Variants in USB1 observed in about 807,000 individuals in gnomAD.
USB1 encodes the protein U6 snRNA biogenesis phosphodiesterase 1, also known as U6 snRNA phosphodiesterase 1.
Under a neutral mutation model 29.9 loss-of-function variants are expected in USB1, and 21 were observed. The observed-to-expected ratio is 0.70, with a 90% confidence interval of 0.50 to 1.01. The LOEUF is 1.01. USB1 is among the 50% of genes least tolerant of loss of function. The probability of loss-of-function intolerance (pLI) is 0.00; values close to 1 mark genes in which losing one functional copy is unlikely to be tolerated. For synonymous variants in USB1, 143 were observed against 134.9 expected (o/e 1.06, Z -0.42); for missense variants, 330 against 347.1 (o/e 0.95, Z 0.39).
intron 4 of USB1, chr16:58,016,870 G>A (rs1277647903): frequency 4.9e-6 from 1 of 202,120 alleles, no homozygotes; most frequent in East Asian, 1.1e-4. Context: ...GAATGGGATG[G>A]GGACGTGCTG....
At chr16:58,012,529 G>A (rs1474287365) in intron 3 of USB1, 15 of 1,304,072 alleles carry the variant, frequency 1.2e-5, no homozygotes, top group South Asian at 4.7e-5. Flanking sequence ...TCACAATGAC[G>A]AAGCCACCGC....
At position 58,020,773 on chromosome 16, in the gene USB1, TTCTC is replaced by T. The variant is rs1963724970; in HGVS notation, c.*535_*538del. 9 of 181,778 alleles carry T rather than the reference TTCTC, an allele frequency of 5.0e-5. No homozygotes were observed. The South Asian group carries it at 9.0e-4, about 18-fold the overall frequency. The allele number at this position is 181,778 out of a possible 1,614,324, so 11.3% of individuals were successfully genotyped here. A position where few individuals can be genotyped will look rare whatever the true frequency, so the allele number is the denominator to read the frequency against. On this transcript the variant is annotated 3_prime_UTR_variant, in exon 7 of 7. Transcript: ENST00000219281. ...CCTCTCCTCTCTCTCTCTTGCTTTC[TTCTC>T]TCTCTCCTGTCTCGGCTGTTGTGGG... is the stretch of plus-strand genomic sequence containing the variant.
In USB1 at chr16:58,013,300, A is replaced by T; in HGVS notation, c.450-973A>T. 2 of 985,408 alleles carry T rather than the reference A, an allele frequency of 2.0e-6. No homozygotes were observed. The highest frequency in any genetic ancestry group is 2.4e-6 in the Non-Finnish European group (2 of 829,944). The allele number at this position is 985,408 out of a possible 1,614,324, so 61.0% of individuals were successfully genotyped here. On this transcript the variant is annotated intron_variant, in intron 3 of 6. Coordinates refer to ENST00000219281, the MANE Select transcript of USB1 (RefSeq NM_024598.4). This position sits in a 1 kb window ranked among gnomAD's most constrained non-coding sequence, Gnocchi z 4.3. ...GAGACACCTTGAGAACTCTTCCTAA[A>T]AGCTGCACTTAACCAAGCTCCTGGT...
rs766926835 is a variant in USB1 at position 58,002,509 on chromosome 16, T to C, written c.129T>C (p.Phe43=). ...RGQSPLPRQR[F]PVPDSVLNMF... ...AGAGCCCCCTTCCCAGGCAGAGATT[T>C]CCAGTACCTGACAGTGTGCTGAACA... is the stretch of plus-strand genomic sequence containing the variant. Residue 43 remains phenylalanine, a synonymous_variant, in exon 2 of 7, where the codon TTT becomes TTC. Transcript: ENST00000219281. The C allele has an allele frequency of 6.2e-7, 1 of 1,614,096 alleles. No individual in the cohort carries two copies.
In USB1 at chr16:58,018,938, C is replaced by T. The variant is rs372358610; in HGVS notation, c.610-34C>T. 140 of 1,610,810 alleles carry T rather than the reference C, an allele frequency of 8.7e-5. No homozygotes were observed. In the African/African-American group the frequency reaches 1.4e-3, roughly 16 times the overall value. ...TGAGGGCAGGGCCTGCCAAGGCGTC[C>T]GGGTGACTGCCTGCCTCTCGTTTCC... On this transcript the variant is annotated intron_variant, in intron 5 of 6. Transcript: ENST00000219281.
At chr16:58,000,109 C>G (rs1043499483), upstream of USB1, among the ~76,000 whole-genome samples, 14 of 152,312 alleles carry the variant, frequency 9.2e-5, no homozygotes, top group Middle Eastern at 3.4e-3. This position sits in a 1 kb window ranked among gnomAD's most constrained non-coding sequence, Gnocchi z 4.5. Flanking sequence ...CCCGCCGGCC[C>G]TGCCTGCAGG....
At chr16:58,014,911 C>A (rs1469624459) in intron 4 of USB1, among the ~76,000 whole-genome samples, 1 of 151,944 alleles carries the variant, frequency 6.6e-6, no homozygotes, top group Non-Finnish European at 1.5e-5. Context: ...ACCCCATCTC[C>A]ACTAAAAATA....
chr16:58,001,374 C>T (rs945611800), upstream of USB1: 2 of 1,288,664 alleles, frequency 1.6e-6, no homozygotes, highest in African/African-American at 1.5e-5. Context: ...CGCCCCGAGG[C>T]GGTGCCAGCC....
At chr16:58,020,084 C>G in intron 6 of USB1, 57 bp from the exon 7 acceptor site, 1 of 1,570,464 alleles carries the variant, frequency 6.4e-7, no homozygotes. Context: ...TTTGCAGTGC[C>G]CTGTGGGTCC....
chr16:58,016,232 A>T lies in USB1; in HGVS notation c.504-1102A>T, dbSNP rs1963611735. ...AGCAACCAAATTACCAATGGGTTGG[A>T]TTTATGTGAAGCAAGGGGAAGACGA... On this transcript the variant is annotated intron_variant, in intron 4 of 6. Coordinates refer to ENST00000219281, the MANE Select transcript of USB1 (RefSeq NM_024598.4). 3 of 152,226 alleles carry T rather than the reference A, an allele frequency of 2.0e-5. No individual in the cohort carries two copies. The South Asian group carries it at 6.2e-4, about 32-fold the overall frequency. 9.4% of individuals were successfully genotyped at this position (152,226 alleles called of 1,614,324 possible). A position where few individuals can be genotyped will look rare whatever the true frequency, so the allele number is the denominator to read the frequency against.
intron 3 of USB1, chr16:58,011,589 G>C (rs913439732): frequency 1.0e-6 from 1 of 991,996 alleles, no homozygotes; most frequent in Non-Finnish European, 1.2e-6. Flanking sequence ...CCAGAGATCA[G>C]TCGGTCCTGT....
intron 4 of USB1, chr16:58,016,893 C>T: frequency 3.9e-6 from 1 of 254,100 alleles, no homozygotes; most frequent in East Asian, 9.5e-5. Flanking sequence ...ACCGTGGGTT[C>T]AGGGGAGAGT....
In USB1 at chr16:58,014,326, G is replaced by C; in HGVS notation, c.503G>C (p.Arg168Thr). The C allele has an allele frequency of 6.2e-7, 1 of 1,613,442 alleles. No homozygotes were observed. Among genetic ancestry groups the C allele is most frequent in the African/African-American group, 1.3e-5 (1 of 74,988 alleles). ...VKIYTNQEKT[R>T]TFIGLEVTSG... ...ATTTACACCAATCAAGAGAAAACCA[G>C]GTGGGTCCTCCCAACCCCCAATCAC... is the stretch of plus-strand genomic sequence containing the variant. Residue 168 changes from arginine (R) to threonine (T), a missense_variant and splice_region_variant, in exon 4 of 7, where the codon AGG becomes ACG. By Grantham distance (71) the Arg-to-Thr change is moderately conservative. Coordinates refer to ENST00000219281, the MANE Select transcript of USB1 (RefSeq NM_024598.4).
chr16:58,010,890 G>A (rs923536049), intron 3 of USB1: 13 of 650,800 alleles, frequency 2.0e-5, no homozygotes, highest in Admixed American at 7.0e-5. Context: ...AAATTTTTAC[G>A]GAGGCTTCAT....
intron 3 of USB1, 54 bp downstream of exon 3, chr16:58,010,166 C>G (rs893396108): frequency 6.2e-7 from 1 of 1,607,688 alleles, no homozygotes; most frequent in Non-Finnish European, 8.5e-7. Flanking sequence ...GGCTTCTCCT[C>G]CTCTCCTGAG....
chr16:58,019,138 C>T, intron 6 of USB1, 83 bp downstream of exon 6: 2 of 1,387,404 alleles, frequency 1.4e-6, no homozygotes, highest in Non-Finnish European at 1.0e-6. Flanking sequence ...GGATGAGGCA[C>T]CCAAACCTGA....
At chr16:58,011,433 TC>T in intron 3 of USB1, 3 of 1,087,944 alleles carry the variant, frequency 2.8e-6, no homozygotes, top group Middle Eastern at 4.2e-4. Flanking sequence ...ATAACTCTTT[TC>T]CTACCAGAAA....
At chr16:58,000,576 G>T, upstream of USB1, 1 of 150,602 alleles carries the variant, frequency 6.6e-6, no homozygotes, top group South Asian at 1.9e-4. This position sits in a 1 kb window ranked among gnomAD's most constrained non-coding sequence, Gnocchi z 4.5. Flanking sequence ...GCGGCGGCCG[G>T]AACGGAGGAA....
At chr16:58,016,751 G>C (rs1963625421) in intron 4 of USB1, 1 of 180,270 alleles carries the variant, frequency 5.5e-6, no homozygotes, top group Non-Finnish European at 1.2e-5. Flanking sequence ...GTAACGTGGA[G>C]GTTGTTGGCA....
Sources: gnomAD v4.1 joint callset for allele counts (sites outside exome capture counted in the v4.1 genomes callset) on GRCh38, gnomAD v4.1.1 for gene constraint, Gnocchi (gnomAD v3.1) non-coding constraint, MANE v1.5 for transcripts, NCBI Gene and HGNC (gene_info 2026-07-23, HGNC 2026-07-21) for gene names.